PTPRT: variants seen among roughly 807,000 people sequenced by gnomAD.
The protein encoded by PTPRT is protein tyrosine phosphatase receptor type T, also known as receptor-type tyrosine-protein phosphatase T.
PTPRT carries 56 observed loss-of-function variants against 176.8 expected under a neutral mutation model. The observed-to-expected ratio is 0.32, with a 90% confidence interval of 0.26 to 0.40. The LOEUF (loss-of-function observed/expected upper bound fraction) is 0.40, where lower values mean the gene tolerates loss of function less well. Ranked by LOEUF, PTPRT falls within the 10% of genes least tolerant of loss-of-function variation. PTPRT has a pLI of 1.00. For missense variants in PTPRT, 1,540 were observed against 1,908.2 expected, an observed-to-expected ratio of 0.81 and a Z score of 3.60; for synonymous variants, 783 against 739.0, an observed-to-expected ratio of 1.06 and a Z score of -0.96.
intron 1 of PTPRT, among the ~76,000 whole-genome samples, chr20:43,102,000 T>C (rs917763990): frequency 5.3e-5 from 8 of 152,174 alleles, no homozygotes; most frequent in Non-Finnish European, 1.5e-5. Flanking sequence ...CTATTCATCA[T>C]AGATGGCACC....
At chr20:42,794,190 A>G (rs760809699) in intron 2 of PTPRT, among the ~76,000 whole-genome samples, 3 of 152,114 alleles carry the variant, frequency 2.0e-5, no homozygotes, top group Non-Finnish European at 2.9e-5. Flanking sequence ...CAGCTAGACT[A>G]TGTCTTCCAG....
chr20:42,184,541 C>CTTCTTCTTCTTCTTCTTCTTCT (rs1555797958), intron 16 of PTPRT, among the ~76,000 whole-genome samples: 1,785 of 91,592 alleles, frequency 0.019, 234 homozygotes, highest in South Asian at 0.028. Flanking sequence ...CTTCCTCTTC[C>CTTCTTCTTCTTCTTCTTCTTCT]TCTTCTTCTT....
At chr20:42,397,958 C>T (rs2058867682) in intron 9 of PTPRT, among the ~76,000 whole-genome samples, 1 of 152,138 alleles carries the variant, frequency 6.6e-6, no homozygotes, top group African/African-American at 2.4e-5. Flanking sequence ...TTTCTTATGT[C>T]ATCAAAATCA....
chr20:42,800,049 T>C (rs1037035049), intron 2 of PTPRT, among the ~76,000 whole-genome samples: 1 of 152,234 alleles, frequency 6.6e-6, no homozygotes, highest in African/African-American at 2.4e-5. Context: ...TCACTCCTCT[T>C]CTTAACAATA....
chr20:42,875,407 T>C (rs972780913), intron 2 of PTPRT, among the ~76,000 whole-genome samples: 5 of 152,300 alleles, frequency 3.3e-5, no homozygotes, highest in East Asian at 1.9e-4. Flanking sequence ...CTAGCACTGA[T>C]TGGGGTCACT....
At chr20:42,279,566 T>C (rs2057104299) in intron 13 of PTPRT, among the ~76,000 whole-genome samples, 1 of 152,216 alleles carries the variant, frequency 6.6e-6, no homozygotes, top group Non-Finnish European at 1.5e-5. Flanking sequence ...TGTAGGACTT[T>C]GTTACAGCAG....
At chr20:42,891,419 A>C (rs1313283106) in intron 1 of PTPRT, among the ~76,000 whole-genome samples, 13 of 152,220 alleles carry the variant, frequency 8.5e-5, no homozygotes, top group Admixed American at 8.5e-4. Flanking sequence ...AGATGCTCTG[A>C]TGTGAATCAG....
chr20:42,081,580 TCTA>T (rs1344306911), intron 30 of PTPRT, among the ~76,000 whole-genome samples: 1 of 152,216 alleles, frequency 6.6e-6, no homozygotes, highest in Non-Finnish European at 1.5e-5. Flanking sequence ...TACTTCACAT[TCTA>T]CTAATCCAGC....
intron 13 of PTPRT, among the ~76,000 whole-genome samples, chr20:42,251,135 T>C (rs1568709660): frequency 1.3e-5 from 2 of 152,200 alleles, no homozygotes; most frequent in African/African-American, 2.4e-5. Context: ...TTCCTCAATA[T>C]TGATAGAGTC....
chr20:43,026,519 C>A (rs1568740427), intron 1 of PTPRT, among the ~76,000 whole-genome samples: 2 of 152,180 alleles, frequency 1.3e-5, no homozygotes, highest in Non-Finnish European at 1.5e-5. Flanking sequence ...CAATGCATAA[C>A]AATGATAATA....
In PTPRT at chr20:42,613,115, T is replaced by C. The variant is rs185592756; in HGVS notation, c.1153+64751A>G. ...AAAAACTTTTTTTGAAAAAGTTGTT[T>C]CTGCTCAACAGTCTATTCATGGACC... is the stretch of plus-strand genomic sequence containing the variant. On this transcript the variant is annotated intron_variant, in intron 7 of 30. Transcript: ENST00000373187. Among the ~76,000 whole-genome samples the C allele has an allele frequency of 6.6e-5, 10 of 152,364 alleles. No homozygotes were observed. In the East Asian group the frequency reaches 1.9e-3, roughly 29 times the overall value.
At chr20:42,648,820 G>GTTTTTTTTTTTGTT (rs746084382) in intron 7 of PTPRT, among the ~76,000 whole-genome samples, 8 of 111,838 alleles carry the variant, frequency 7.2e-5, no homozygotes, top group African/African-American at 2.2e-4. Context: ...TGGTGTCGTT[G>GTTTTTTTTTTTGTT]TTTTTTTTTT....
chr20:42,169,612 G>A (rs968940380), intron 16 of PTPRT, among the ~76,000 whole-genome samples: 6 of 152,038 alleles, frequency 3.9e-5, no homozygotes, highest in Non-Finnish European at 4.4e-5. Flanking sequence ...CAAGCAACAG[G>A]TCTGGAGAGA....
At chr20:42,800,895 C>A (rs2077521108) in intron 2 of PTPRT, among the ~76,000 whole-genome samples, 1 of 152,058 alleles carries the variant, frequency 6.6e-6, no homozygotes, top group Non-Finnish European at 1.5e-5. Context: ...TTAAGTCTAC[C>A]CTTCCCCTCA....
intron 1 of PTPRT, among the ~76,000 whole-genome samples, chr20:42,906,695 G>A (rs1259275329): frequency 1.3e-5 from 2 of 152,162 alleles, no homozygotes; most frequent in African/African-American, 4.8e-5. Flanking sequence ...TTGAGCAGCA[G>A]GGCACTGAAG....
chr20:42,975,048 C>T (rs1405759470), intron 1 of PTPRT, among the ~76,000 whole-genome samples: 2 of 152,006 alleles, frequency 1.3e-5, no homozygotes, highest in Admixed American at 6.6e-5. Context: ...ACTCTGCCTC[C>T]GTGAGCCTGA....
At position 42,315,728 on chromosome 20, in the gene PTPRT, T is replaced by C. The variant is rs779542186; in HGVS notation, c.2134A>G (p.Asn712Asp). The C allele has an allele frequency of 4.3e-6, 7 of 1,613,652 alleles. No individual in the cohort carries two copies. Among genetic ancestry groups the C allele is most frequent in the South Asian group, 2.2e-5 (2 of 91,072 alleles). The stretch of plus-strand genomic sequence containing the variant: ...CTCCATGTGGCCATACTTACTCCAT[T>C]GGCTTTGCTGAGTGCCTGGAAGTAG... ...SIYFQALSKA[N>D]GETKINCVRL... Residue 712 changes from asparagine to aspartate, a missense_variant, in exon 12 of 31, where the codon AAT becomes GAT. Asn to Asp is a conservative substitution (Grantham distance 23). Transcript: ENST00000373187.
At chr20:42,065,058 C>T in the PTPRT span, among the ~76,000 whole-genome samples, 1 of 152,204 alleles carries the variant, frequency 6.6e-6, no homozygotes, top group Admixed American at 6.5e-5. Context: ...CAACAGCCAG[C>T]ATCAACAGCA....
At chr20:42,336,533 G>T (rs1340013891) in intron 11 of PTPRT, among the ~76,000 whole-genome samples, 7 of 152,222 alleles carry the variant, frequency 4.6e-5, no homozygotes, top group African/African-American at 1.2e-4. Context: ...GAATGAAAAA[G>T]GTTAATGTAT....
Sources: allele counts gnomAD v4.1 joint callset (sites outside exome capture counted in the v4.1 genomes callset), GRCh38; gene constraint gnomAD v4.1.1; transcripts MANE v1.5; gene names NCBI Gene and HGNC (gene_info 2026-07-23, HGNC 2026-07-21).